The following TMF1 variants were observed in gnomAD, a reference collection of about 807,000 sequenced individuals.
The protein encoded by TMF1 is TATA element modulatory factor.
TMF1 carries 71 observed loss-of-function variants against 126.5 expected under a neutral mutation model. That is an observed-to-expected ratio of 0.56 (90% confidence interval 0.46 to 0.68). The LOEUF is 0.68. TMF1 is among the 30% of genes least tolerant of loss of function. The pLI, the probability that TMF1 is intolerant of heterozygous loss-of-function variation, is 0.00. For synonymous variants in TMF1, 461 were observed against 430.5 expected (o/e 1.07, Z -0.88); for missense variants, 1,259 against 1,253.2 (o/e 1.00, Z -0.07).
chr3:69,032,573 G>A lies in TMF1; in HGVS notation c.2401+975C>T, dbSNP rs143957105. ...TTCTTTTTATTAACATCACAGAAGG[G>A]CAACCTGGGGCATGACTGTAAAGAA... On this transcript the variant is annotated intron_variant, in intron 10 of 16. Coordinates refer to ENST00000398559, the MANE Select transcript of TMF1 (RefSeq NM_007114.3). Among the ~76,000 whole-genome samples, 621 of 151,456 alleles carry A rather than the reference G, an allele frequency of 4.1e-3. 6 individuals carry two copies. The highest frequency in any genetic ancestry group is 7.3e-3 in the Non-Finnish European group (495 of 67,970).
intron 15 of TMF1, chr3:69,024,692 A>C (rs1213212974): frequency 5.3e-5 from 8 of 152,134 alleles, no homozygotes; most frequent in Admixed American, 5.2e-4. Flanking sequence ...CATATAACTA[A>C]AAGTATATAA....
In TMF1 at chr3:69,047,624, T is replaced by C; in HGVS notation, c.1081A>G (p.Asn361Asp). ...GTTTTAGACTTTGGAGTTGAAGAAT[T>C]AACTATAATAGGCACTAAAGCATAT... ...KGYALVPIIV[N>D]SSTPKSKTVE... Residue 361 changes from asparagine (N) to aspartate (D), a missense_variant, in exon 2 of 17, where the codon AAT becomes GAT. Asn to Asp is a conservative substitution (Grantham distance 23). Transcript: ENST00000398559. The C allele has an allele frequency of 6.2e-7, 1 of 1,614,098 alleles. No homozygotes were observed. The highest frequency in any genetic ancestry group is 8.5e-7 in the Non-Finnish European group (1 of 1,180,026).
chr3:69,035,765 G>A (rs1395795710), intron 8 of TMF1, among the ~76,000 whole-genome samples: 1 of 151,952 alleles, frequency 6.6e-6, no homozygotes, highest in African/African-American at 2.4e-5. Context: ...TATAAAACAT[G>A]TAAAAAAAAT....
At chr3:69,047,262 T>A (rs1420704222) in intron 2 of TMF1, 96 bp downstream of exon 2, 24 of 1,380,918 alleles carry the variant, frequency 1.7e-5, no homozygotes, top group Non-Finnish European at 2.2e-5. Context: ...TTTAAATCTG[T>A]ATAAATTATT....
intron 8 of TMF1, among the ~76,000 whole-genome samples, chr3:69,035,955 T>TGTA (rs1320133199): frequency 6.6e-6 from 1 of 152,136 alleles, no homozygotes; most frequent in African/African-American, 2.4e-5. Context: ...CCAATTTTTC[T>TGTA]GTATTATTAT....
At chr3:69,033,812 A>C in intron 9 of TMF1, 108 bp from the exon 10 acceptor site, 1 of 1,052,458 alleles carries the variant, frequency 9.5e-7, no homozygotes, top group Non-Finnish European at 1.3e-6. Flanking sequence ...TTTCCAAGAG[A>C]AAATAATTTG....
chr3:69,048,971 C>T (rs1342123955), intron 1 of TMF1: 1 of 158,938 alleles, frequency 6.3e-6, no homozygotes, highest in African/African-American at 2.4e-5. Context: ...ATGGAACTAA[C>T]TGAATAGGTT....
intron 10 of TMF1, among the ~76,000 whole-genome samples, chr3:69,032,283 T>C (rs893903223): frequency 6.6e-6 from 1 of 152,166 alleles, no homozygotes; most frequent in Non-Finnish European, 1.5e-5. Flanking sequence ...TCACAAGGAA[T>C]AGCACAGAGA....
chr3:69,026,974 G>A (rs1056121318), intron 13 of TMF1, among the ~76,000 whole-genome samples: 6 of 151,990 alleles, frequency 3.9e-5, no homozygotes, highest in African/African-American at 1.4e-4. Flanking sequence ...TTTCAATACA[G>A]AAAACTCATT....
At chr3:69,038,051 T>C (rs1249498175) in intron 8 of TMF1, among the ~76,000 whole-genome samples, 1 of 152,190 alleles carries the variant, frequency 6.6e-6, no homozygotes, top group Non-Finnish European at 1.5e-5. Context: ...GATATATATC[T>C]AGGAGAATTT....
At position 69,042,846 on chromosome 3, in the gene TMF1, T is replaced by C. The variant is rs766349936; in HGVS notation, c.1645A>G (p.Lys549Glu). 2.5e-6 allele frequency: 4 copies of C among 1,613,764 alleles called. No homozygotes were observed. The East Asian group carries it at 6.7e-5, about 27-fold the overall frequency. Residue 549 changes from lysine to glutamate, a missense_variant, in exon 5 of 17, where the codon AAA (lysine) becomes GAA (glutamate). Transcript: ENST00000398559. Reference sequence around the variant, plus strand: ...CCTCGGATCTGCTCATCTTTCTCTTTCAAAAGGTCTGCAGTTTCACTACTA... The same window carrying C: ...CCTCGGATCTGCTCATCTTTCTCTTCCAAAAGGTCTGCAGTTTCACTACTA... ...LNSSETADLL[K>E]EKDEQIRGLM...
chr3:69,048,974 A>T (rs1368457610), intron 1 of TMF1: 1 of 158,518 alleles, frequency 6.3e-6, no homozygotes, highest in African/African-American at 2.4e-5. Context: ...GAACTAACTG[A>T]ATAGGTTGGG....
chr3:69,047,655 G>C lies in TMF1; in HGVS notation c.1050C>G (p.Gly350=). 6.2e-7 allele frequency: 1 copy of C among 1,614,036 alleles called. No individual in the cohort carries two copies. The highest frequency in any genetic ancestry group is 8.5e-7 in the Non-Finnish European group (1 of 1,179,982). The stretch of plus-strand genomic sequence containing the variant: ...TAATAGGCACTAAAGCATATCCCTT[G>C]CCTGACAATTCATCATCTGAATTGA... ...SEINSDDELS[G]KGYALVPIIV... is the part of the protein sequence containing the mutation. The change falls in exon 2 of 17, where the codon GGC becomes GGG. Residue 350 remains glycine (G), a synonymous_variant. Coordinates refer to ENST00000398559, the MANE Select transcript of TMF1 (RefSeq NM_007114.3).
At position 69,028,259 on chromosome 3, in the gene TMF1, A is replaced by G. The variant is rs1489521773; in HGVS notation, c.2631T>C (p.Tyr877=). The change falls in exon 12 of 17, where the codon TAT becomes TAC. Residue 877 remains tyrosine (Y), a synonymous_variant. Transcript: ENST00000398559. Reference sequence around the variant, plus strand: ...TCCTCGTCTCTTCAAGTGTTCTTACATATTCATCTTTTAGGTTTTCCAATT... The same window carrying G: ...TCCTCGTCTCTTCAAGTGTTCTTACGTATTCATCTTTTAGGTTTTCCAATT... ...QVELENLKDE[Y]VRTLEETRKE... The G allele has an allele frequency of 1.2e-6, 2 of 1,613,348 alleles. No homozygotes were observed. The highest frequency in any genetic ancestry group is 2.2e-5 in the South Asian group (2 of 91,068).
chr3:69,024,327 TAAGTA>T (rs1336272500), intron 15 of TMF1, 147 bp from the exon 16 acceptor site: 3 of 657,574 alleles, frequency 4.6e-6, no homozygotes, highest in African/African-American at 3.8e-5. Context: ...AGCTCTTTCT[TAAGTA>T]AAGGAAACAG....
At chr3:69,023,374 AT>A in intron 16 of TMF1, 54 bp from the exon 17 acceptor site, 1 of 1,397,824 alleles carries the variant, frequency 7.2e-7, no homozygotes, top group Non-Finnish European at 9.9e-7. Context: ...AACATCTTTA[AT>A]ATTTATATTG....
chr3:69,042,549 G>A (rs992893998), intron 5 of TMF1: 1 of 579,978 alleles, frequency 1.7e-6, no homozygotes, highest in African/African-American at 1.8e-5. Context: ...AGTTTTCTTA[G>A]GGCAGCACAA....
chr3:69,052,317 A>C lies in TMF1; in HGVS notation c.-231T>G. ...GCATGCGCTTGCTTCTTCCACGTACACAGCAACCAAATCTACGAGCCCAGA... is the reference window on the plus strand; with the variant it reads ...GCATGCGCTTGCTTCTTCCACGTACCCAGCAACCAAATCTACGAGCCCAGA... On this transcript the variant is annotated 5_prime_UTR_variant, in exon 1 of 17. Transcript: ENST00000398559. 5.3e-6 allele frequency: 2 copies of C among 377,566 alleles called. No individual in the cohort carries two copies. Among genetic ancestry groups the C allele is most frequent in the South Asian group, 9.7e-5 (2 of 20,640 alleles). 23.4% of individuals were successfully genotyped at this position (377,566 alleles called of 1,614,324 possible). A position where few individuals can be genotyped will look rare whatever the true frequency, so the allele number is the denominator to read the frequency against.
At chr3:69,025,739 G>A in intron 14 of TMF1, 27 bp from the exon 15 acceptor site, 1 of 1,596,638 alleles carries the variant, frequency 6.3e-7, no homozygotes, top group South Asian at 1.1e-5. Context: ...AGTTCACACA[G>A]TTACTCAGTT....
Sources: gnomAD v4.1 joint callset for allele counts (sites outside exome capture counted in the v4.1 genomes callset) on GRCh38, gnomAD v4.1.1 for gene constraint, MANE v1.5 for transcripts, NCBI Gene and HGNC (gene_info 2026-07-23, HGNC 2026-07-21) for gene names.